PRELID2: variants seen among roughly 807,000 people sequenced by gnomAD.
PRELID2 encodes the protein PRELI domain containing 2, also known as PRELI domain-containing protein 2.
PRELID2 carries 25 observed loss-of-function variants against 28.4 expected under a neutral mutation model. The ratio of observed to expected loss-of-function variants is 0.88; its 90% CI spans 0.64 to 1.23. The LOEUF is 1.23. Among genes scored for constraint, PRELID2 ranks in the 50% most tolerant of loss-of-function variants. The pLI is 0.00. For synonymous variants in PRELID2, 76 were observed against 71.6 expected, an observed-to-expected ratio of 1.06 and a Z score of -0.31; for missense variants, 201 against 214.4, an observed-to-expected ratio of 0.94 and a Z score of 0.39.
intron 1 of PRELID2, among the ~76,000 whole-genome samples, chr5:145,594,819 A>G (rs1753279572): frequency 6.6e-6 from 1 of 152,158 alleles, no homozygotes; most frequent in Non-Finnish European, 1.5e-5. Context: ...TTTAACAAAG[A>G]CTAAAGTTTA....
intron 5 of PRELID2, among the ~76,000 whole-genome samples, chr5:145,787,640 A>G (rs560504378): frequency 6.6e-6 from 1 of 152,076 alleles, no homozygotes; most frequent in Middle Eastern, 3.4e-3. Context: ...TCCCAGCTCA[A>G]GCAATCCTCC....
At chr5:145,272,971 G>A in the PRELID2 span, among the ~76,000 whole-genome samples, 13 of 152,086 alleles carry the variant, frequency 8.5e-5, no homozygotes, top group Middle Eastern at 3.2e-3. Flanking sequence ...CACAGAGTGC[G>A]TGGGACAAAT....
chr5:145,371,791 G>A, the PRELID2 span, among the ~76,000 whole-genome samples: 1 of 151,352 alleles, frequency 6.6e-6, no homozygotes, highest in Non-Finnish European at 1.5e-5. Context: ...TGTGGGGTCA[G>A]TGGTGATATC....
chr5:145,493,220 C>T (rs1270271879), intron 1 of PRELID2, among the ~76,000 whole-genome samples: 1 of 95,688 alleles, frequency 1.0e-5, no homozygotes, highest in Non-Finnish European at 2.7e-5. Flanking sequence ...CATCTTGCTC[C>T]CAGATTGTCC....
chr5:145,604,946 A>C (rs1010698309), intron 1 of PRELID2, among the ~76,000 whole-genome samples: 1 of 144,414 alleles, frequency 6.9e-6, no homozygotes, highest in Non-Finnish European at 1.5e-5. Flanking sequence ...ATATATATAT[A>C]TTATTTTGAA....
rs527765443 is a variant in PRELID2, at chr5:145,616,643, G to A, written n.71-143328C>T. ...GGGAGGGAGTGTACAAATAGGGTGT[G>A]GGTCACAGAGATCATGTGCTTCACA... is the stretch of plus-strand genomic sequence containing the variant. On this transcript the variant is annotated intron_variant and non_coding_transcript_variant, in intron 1 of 2. Coordinates refer to the PRELID2 transcript ENST00000510259. Among the ~76,000 whole-genome samples, 20 of 152,232 alleles carry A rather than the reference G, an allele frequency of 1.3e-4. No individual in the cohort carries two copies. The East Asian group carries it at 3.9e-3, about 29-fold the overall frequency.
intron 1 of PRELID2, among the ~76,000 whole-genome samples, chr5:145,619,110 C>A (rs1451744145): frequency 1.3e-5 from 2 of 152,174 alleles, no homozygotes; most frequent in Non-Finnish European, 2.9e-5. Context: ...CTACCCGCCT[C>A]CCAGCTGTGA....
chr5:145,821,152 G>GGTGGGTGGGTGTGTGTGTGTGTGTGT, intron 2 of PRELID2, among the ~76,000 whole-genome samples: 1 of 88,192 alleles, frequency 1.1e-5, no homozygotes, highest in African/African-American at 4.0e-5. Flanking sequence ...AACTCTCCTG[G>GGTGGGTGGGTGTGTGTGTGTGTGTGT]GTGTGTGTGT....
At chr5:145,529,652 A>T (rs373319009) in intron 1 of PRELID2, among the ~76,000 whole-genome samples, 7 of 152,142 alleles carry the variant, frequency 4.6e-5, no homozygotes, top group Admixed American at 4.6e-4. Flanking sequence ...GAACAAGACA[A>T]TGTTCCTATT....
At chr5:145,260,299 A>G in the PRELID2 span, among the ~76,000 whole-genome samples, 1 of 152,206 alleles carries the variant, frequency 6.6e-6, no homozygotes, top group Non-Finnish European at 1.5e-5. Flanking sequence ...ATATTTACCC[A>G]GTAAAAAGGC....
the PRELID2 span, among the ~76,000 whole-genome samples, chr5:145,354,328 A>G: frequency 5.1e-4 from 78 of 152,232 alleles, no homozygotes; most frequent in South Asian, 6.0e-3. Context: ...AGGTTGCCCC[A>G]TTCTATGTTT....
At chr5:145,414,262 A>G in the PRELID2 span, among the ~76,000 whole-genome samples, 1 of 152,272 alleles carries the variant, frequency 6.6e-6, no homozygotes, top group South Asian at 2.1e-4. Context: ...CATGAAATTG[A>G]ACTACTTGGC....
At chr5:145,522,509 T>C (rs1752571640) in intron 1 of PRELID2, among the ~76,000 whole-genome samples, 1 of 152,166 alleles carries the variant, frequency 6.6e-6, no homozygotes, top group Non-Finnish European at 1.5e-5. Flanking sequence ...TTTTCACTTC[T>C]GTATAGTATT....
chr5:145,333,241 TG>T, the PRELID2 span, among the ~76,000 whole-genome samples: 112 of 152,268 alleles, frequency 7.4e-4, no homozygotes, highest in East Asian at 0.014. Flanking sequence ...TCAGGAGGCA[TG>T]GAGGTCAGGG....
chr5:145,834,864 G>C (rs6895551), intron 1 of PRELID2: 13,070 of 299,338 alleles, frequency 0.044, 1,521 homozygotes, highest in African/African-American at 0.25. Context: ...GTGATGAACC[G>C]GAAAGCTCCA....
chr5:145,551,970 TG>T (rs1306986822), intron 1 of PRELID2, among the ~76,000 whole-genome samples: 1 of 152,134 alleles, frequency 6.6e-6, no homozygotes, highest in Non-Finnish European at 1.5e-5. Context: ...TGTCTCCCCA[TG>T]GACTGAACCT....
At chr5:145,401,537 G>A in the PRELID2 span, among the ~76,000 whole-genome samples, 2 of 152,134 alleles carry the variant, frequency 1.3e-5, no homozygotes, top group South Asian at 2.1e-4. Context: ...TTTTCCTTTA[G>A]TGTAACAAGC....
chr5:145,485,580 G>A (rs1162082954), intron 1 of PRELID2, among the ~76,000 whole-genome samples: 5 of 152,060 alleles, frequency 3.3e-5, no homozygotes, highest in Admixed American at 2.0e-4. Flanking sequence ...TTCCTCGCTC[G>A]CTATCTCTCA....
At chr5:145,643,781 T>A (rs1754149733) in intron 1 of PRELID2, among the ~76,000 whole-genome samples, 1 of 152,254 alleles carries the variant, frequency 6.6e-6, no homozygotes, top group Non-Finnish European at 1.5e-5. Context: ...CATGTGGTTT[T>A]TGTCATTGGT....
Sources: allele counts gnomAD v4.1 joint callset (sites outside exome capture counted in the v4.1 genomes callset), GRCh38; gene constraint gnomAD v4.1.1; transcripts MANE v1.5; gene names NCBI Gene and HGNC (gene_info 2026-07-23, HGNC 2026-07-21).